RALGAPA2: variants seen among roughly 807,000 people sequenced by gnomAD.
RALGAPA2 encodes the protein ral GTPase-activating protein subunit alpha-2.
A neutral mutation model predicts 230.4 loss-of-function variants in RALGAPA2; 139 were observed. The observed-to-expected ratio is 0.60, with a 90% CI of 0.53 to 0.69. The LOEUF (loss-of-function observed/expected upper bound fraction) is 0.69. Among genes scored for constraint, RALGAPA2 ranks in the 30% least tolerant of loss-of-function variants. RALGAPA2 has a pLI of 0.00. For missense variants in RALGAPA2, 2,163 were observed against 2,276.0 expected (o/e 0.95, Z 1.01); for synonymous variants, 847 against 837.8 (o/e 1.01, Z -0.19).
In RALGAPA2 at chr20:20,571,514, C is replaced by A. The variant is rs1223916270; in HGVS notation, c.3100G>T (p.Asp1034Tyr). ...TRRQDVLPNS[D>Y]FLVHFYLVMH... ...ACAAGGTAAAAATGCACCAGGAAATCTGAGTTTGGCAGAACGTCCTGGCGT... is the reference window on the plus strand; with the variant it reads ...ACAAGGTAAAAATGCACCAGGAAATATGAGTTTGGCAGAACGTCCTGGCGT... The change falls in exon 23 of 40, where the codon GAT becomes TAT. Residue 1034 changes from aspartate (D) to tyrosine (Y), a missense_variant. Coordinates refer to ENST00000202677, the MANE Select transcript of RALGAPA2 (RefSeq NM_020343.4). 2 of 1,612,950 alleles carry A rather than the reference C, an allele frequency of 1.2e-6. No individual in the cohort carries two copies. The highest frequency in any genetic ancestry group is 1.7e-6 in the Non-Finnish European group (2 of 1,179,596).
chr20:20,688,315 A>G (rs1433363393), intron 1 of RALGAPA2, among the ~76,000 whole-genome samples: 8 of 148,182 alleles, frequency 5.4e-5, no homozygotes, highest in Non-Finnish European at 1.2e-4. Flanking sequence ...TCAAAAAAAG[A>G]AAAAAAAAAA....
chr20:20,575,895 A>T (rs1035146423), intron 20 of RALGAPA2, among the ~76,000 whole-genome samples: 1 of 152,068 alleles, frequency 6.6e-6, no homozygotes, highest in Non-Finnish European at 1.5e-5. Flanking sequence ...AAATCCTTTC[A>T]ATGTGGCTTA....
At chr20:20,629,193 T>G (rs1012508660) in intron 10 of RALGAPA2, among the ~76,000 whole-genome samples, 170 bp downstream of exon 10, 18 of 152,134 alleles carry the variant, frequency 1.2e-4, no homozygotes, top group African/African-American at 4.3e-4. Context: ...CCTCACAAAT[T>G]AAAAGATTAG....
At chr20:20,535,052 C>T (rs2063464543) in intron 26 of RALGAPA2, among the ~76,000 whole-genome samples, 1 of 152,116 alleles carries the variant, frequency 6.6e-6, no homozygotes, top group South Asian at 2.1e-4. Context: ...CATCAAATAG[C>T]TGGTAAGGCA....
At chr20:20,600,023 G>A (rs1009473905) in intron 16 of RALGAPA2, among the ~76,000 whole-genome samples, 2 of 152,000 alleles carry the variant, frequency 1.3e-5, no homozygotes, top group East Asian at 3.9e-4. Flanking sequence ...AGCTGGGCAT[G>A]GCAGCTCACT....
chr20:20,660,340 T>C (rs1026856153), intron 3 of RALGAPA2, among the ~76,000 whole-genome samples: 8 of 152,214 alleles, frequency 5.3e-5, no homozygotes, highest in Non-Finnish European at 8.8e-5. Flanking sequence ...TATCGTGATG[T>C]TTATTTACCT....
chr20:20,667,990 A>G (rs1328500184), intron 3 of RALGAPA2, among the ~76,000 whole-genome samples: 1 of 152,240 alleles, frequency 6.6e-6, no homozygotes, highest in African/African-American at 2.4e-5. Flanking sequence ...GAAGAAGCCC[A>G]GAGAAACCAT....
intron 23 of RALGAPA2, among the ~76,000 whole-genome samples, chr20:20,569,843 A>G (rs958452150): frequency 1.1e-4 from 17 of 152,174 alleles, no homozygotes; most frequent in African/African-American, 4.1e-4. Flanking sequence ...AGAAGGATCT[A>G]TAGTTGATTA....
At chr20:20,552,650 T>C (rs2063961621) in intron 23 of RALGAPA2, among the ~76,000 whole-genome samples, 1 of 152,174 alleles carries the variant, frequency 6.6e-6, no homozygotes, top group African/African-American at 2.4e-5. Context: ...ATGAATATAA[T>C]TTAAACTTTA....
At chr20:20,430,653 A>G (rs556470447) in intron 37 of RALGAPA2, among the ~76,000 whole-genome samples, 5 of 152,284 alleles carry the variant, frequency 3.3e-5, no homozygotes, top group African/African-American at 1.2e-4. Context: ...TGAATATTAA[A>G]AATGTCACTT....
chr20:20,556,824 G>C (rs568399570), intron 23 of RALGAPA2, among the ~76,000 whole-genome samples: 1 of 152,274 alleles, frequency 6.6e-6, no homozygotes, highest in Non-Finnish European at 1.5e-5. Context: ...CAACAAGAAA[G>C]TTACTGGGGG....
chr20:20,596,062 A>T (rs2146150195), intron 16 of RALGAPA2, among the ~76,000 whole-genome samples: 1 of 152,308 alleles, frequency 6.6e-6, no homozygotes, highest in South Asian at 2.1e-4. Flanking sequence ...AAAAAGTGCC[A>T]GTCCTACCTC....
chr20:20,499,487 A>G (rs2062310266), intron 35 of RALGAPA2, among the ~76,000 whole-genome samples: 1 of 152,256 alleles, frequency 6.6e-6, no homozygotes, highest in Non-Finnish European at 1.5e-5. Flanking sequence ...CAAATAAAAA[A>G]GATGTGTGAG....
chr20:20,659,980 A>T, intron 3 of RALGAPA2: 1 of 251,102 alleles, frequency 4.0e-6, no homozygotes, highest in Non-Finnish European at 8.0e-6. Context: ...GCAGTGGCTC[A>T]TGCCTGTAAT....
In RALGAPA2 at chr20:20,611,384, GA is replaced by G. The variant is rs1220215109; in HGVS notation, c.1730del (p.Val577AlafsTer10). ...TTTGTTTATCCTTTGGCTTCTGCAT[GA>G]CAGCTTCTGTTATCCTGAGTAGTAT... ...LQILLRITEA[V>X]MQKPKDKQIK... is the part of the protein sequence containing the mutation. On this transcript the variant is annotated frameshift_variant, in exon 14 of 40. Coordinates refer to ENST00000202677, the MANE Select transcript of RALGAPA2 (RefSeq NM_020343.4). LOFTEE classifies it high-confidence loss of function. 6.2e-7 allele frequency: 1 copy of G among 1,613,574 alleles called. No homozygotes were observed. Among genetic ancestry groups the G allele is most frequent in the Non-Finnish European group, 8.5e-7 (1 of 1,179,646 alleles).
intron 1 of RALGAPA2, among the ~76,000 whole-genome samples, chr20:20,708,646 T>C (rs180890725): frequency 6.6e-6 from 1 of 152,284 alleles, no homozygotes; most frequent in East Asian, 1.9e-4. Flanking sequence ...CAGTCTCAGG[T>C]ATGTCTTTAT....
chr20:20,520,677 T>C (rs2063011028), intron 31 of RALGAPA2, among the ~76,000 whole-genome samples: 1 of 152,030 alleles, frequency 6.6e-6, no homozygotes, highest in African/African-American at 2.4e-5. Flanking sequence ...TTTTGTGAGT[T>C]CCATGGATTT....
intron 23 of RALGAPA2, among the ~76,000 whole-genome samples, chr20:20,566,967 T>A (rs538023711): frequency 4.5e-4 from 69 of 152,200 alleles, no homozygotes; most frequent in Non-Finnish European, 8.7e-4. Flanking sequence ...TAGATGAAAA[T>A]GACAAAGACC....
At chr20:20,591,985 T>G (rs758544166) in intron 16 of RALGAPA2, among the ~76,000 whole-genome samples, 3 of 152,028 alleles carry the variant, frequency 2.0e-5, no homozygotes, top group Admixed American at 6.6e-5. Flanking sequence ...ATAGAATGAG[T>G]TCCCCCCAGC....
Sources: allele counts gnomAD v4.1 joint callset (sites outside exome capture counted in the v4.1 genomes callset), GRCh38; gene constraint gnomAD v4.1.1; transcripts MANE v1.5; gene names NCBI Gene and HGNC (gene_info 2026-07-23, HGNC 2026-07-21).